PODXL: variants seen among roughly 807,000 people sequenced by gnomAD.
The protein encoded by PODXL is podocalyxin like.
Under a neutral mutation model 48.9 loss-of-function variants are expected in PODXL, and 20 were observed. That is an observed-to-expected ratio of 0.41 (90% confidence interval 0.29 to 0.59). The LOEUF is 0.59. PODXL is among the 20% of genes least tolerant of loss of function. The pLI is 0.31. For missense variants in PODXL, 606 were observed against 675.1 expected, an observed-to-expected ratio of 0.90 and a Z score of 1.13; for synonymous variants, 295 against 287.4, an observed-to-expected ratio of 1.03 and a Z score of -0.27.
chr7:131,524,173 T>C (rs1798135933), intron 1 of PODXL, among the ~76,000 whole-genome samples: 2 of 152,044 alleles, frequency 1.3e-5, no homozygotes, highest in Admixed American at 1.3e-4. Flanking sequence ...CCAGGAATAG[T>C]AGAGAACTTC....
At chr7:131,509,718 C>G in intron 3 of PODXL, 133 bp from the exon 4 acceptor site, 1 of 565,960 alleles carries the variant, frequency 1.8e-6, no homozygotes, top group Non-Finnish European at 3.0e-6. Context: ...GAAGTGGACT[C>G]CTATGACAAG....
At chr7:131,521,344 T>TTTA (rs1353355842) in intron 1 of PODXL, among the ~76,000 whole-genome samples, 1 of 151,102 alleles carries the variant, frequency 6.6e-6, no homozygotes, top group Non-Finnish European at 1.5e-5. Flanking sequence ...TCAATTTTTT[T>TTTA]TTTTTTTGAG....
At chr7:131,519,976 C>T (rs1330261559) in intron 1 of PODXL, among the ~76,000 whole-genome samples, 1 of 152,158 alleles carries the variant, frequency 6.6e-6, no homozygotes, top group Non-Finnish European at 1.5e-5. Flanking sequence ...CCATCTGCCT[C>T]AGTCTCCCAA....
chr7:131,502,488 C>G lies in PODXL; in HGVS notation c.*1823G>C, dbSNP rs545800715. ...AAGGAATTAGGCAGATGGTGCAGGA[C>G]AGATCTTCCCCAGCCCCTCCCCCTA... On this transcript the variant is annotated 3_prime_UTR_variant, in exon 9 of 9. Transcript: ENST00000378555. The G allele has an allele frequency of 1.3e-5, 2 of 152,260 alleles. No homozygotes were observed. Among genetic ancestry groups the G allele is most frequent in the Non-Finnish European group, 2.9e-5 (2 of 68,122 alleles). 9.4% of individuals were successfully genotyped at this position (152,260 alleles called of 1,614,324 possible).
At chr7:131,519,963 G>A (rs1798066449) in intron 1 of PODXL, among the ~76,000 whole-genome samples, 1 of 152,066 alleles carries the variant, frequency 6.6e-6, no homozygotes, top group African/African-American at 2.4e-5. Flanking sequence ...GGGCTCAAGG[G>A]ATCCATCTGC....
intron 1 of PODXL, among the ~76,000 whole-genome samples, chr7:131,517,510 T>C (rs1345044622): frequency 2.0e-5 from 3 of 152,186 alleles, no homozygotes; most frequent in African/African-American, 7.2e-5. Context: ...GTGCATTTCT[T>C]TTCCATGGCT....
chr7:131,524,372 A>ACG (rs201029686), intron 1 of PODXL, among the ~76,000 whole-genome samples: 925 of 73,492 alleles, frequency 0.013, 7 homozygotes, highest in African/African-American at 0.031. Flanking sequence ...GCACACACAC[A>ACG]CACACACAGA....
chr7:131,511,512 T>A, intron 1 of PODXL, 79 bp from the exon 2 acceptor site: 1 of 1,467,760 alleles, frequency 6.8e-7, no homozygotes, highest in Non-Finnish European at 9.3e-7. Flanking sequence ...TCCCCAGGAT[T>A]CAGAGGCCTT....
chr7:131,537,588 GCCC>G (rs1562915018), intron 1 of PODXL, among the ~76,000 whole-genome samples: 1 of 132,802 alleles, frequency 7.5e-6, no homozygotes. Flanking sequence ...GCAAGACTCC[GCCC>G]CACCCCACCC....
At chr7:131,540,638 A>G (rs1798461755) in intron 1 of PODXL, among the ~76,000 whole-genome samples, 2 of 152,172 alleles carry the variant, frequency 1.3e-5, no homozygotes, top group Admixed American at 1.3e-4. Context: ...CTCTTCCCCT[A>G]GCAGTAAGTT....
At chr7:131,546,371 A>G (rs905175227) in intron 1 of PODXL, among the ~76,000 whole-genome samples, 2 of 152,190 alleles carry the variant, frequency 1.3e-5, no homozygotes, top group Admixed American at 6.5e-5. Context: ...GACTGCATTT[A>G]ACCACGTTAT....
rs1798751099 is a variant in PODXL, at chr7:131,556,532, T to A, written c.-173A>T. 1.1e-5 allele frequency: 8 copies of A among 736,470 alleles called. No homozygotes were observed. The highest frequency in any genetic ancestry group is 1.5e-5 in the Non-Finnish European group (8 of 537,412). The allele number at this position is 736,470 out of a possible 1,614,324, so 45.6% of individuals were successfully genotyped here. A position where few individuals can be genotyped will look rare whatever the true frequency, so the allele number is the denominator to read the frequency against. On this transcript the variant is annotated 5_prime_UTR_variant, in exon 1 of 9. Coordinates refer to ENST00000378555, the MANE Select transcript of PODXL (RefSeq NM_001018111.3). ...TGCGGCGGCTCTTCCTCCCTGCCGC[T>A]GCAGCAGAGCCGGGCTGGGGCGCAG...
At chr7:131,514,193 G>A (rs537087481) in intron 1 of PODXL, among the ~76,000 whole-genome samples, 4 of 152,308 alleles carry the variant, frequency 2.6e-5, no homozygotes, top group Admixed American at 1.3e-4. Context: ...CAAGGCAGGT[G>A]GATCACCTGA....
intron 1 of PODXL, among the ~76,000 whole-genome samples, chr7:131,515,043 A>G (rs1283732142): frequency 6.6e-6 from 1 of 152,222 alleles, no homozygotes; most frequent in African/African-American, 2.4e-5. Flanking sequence ...GCTGAGCAGC[A>G]TTCCTGGCCT....
At chr7:131,535,353 T>C (rs1349506177) in intron 1 of PODXL, among the ~76,000 whole-genome samples, 1 of 152,126 alleles carries the variant, frequency 6.6e-6, no homozygotes. Flanking sequence ...GGTAAGTCAA[T>C]TGGACCACAC....
At chr7:131,520,222 C>A in intron 1 of PODXL, 1 of 410,634 alleles carries the variant, frequency 2.4e-6, no homozygotes, top group Non-Finnish European at 4.8e-6. Context: ...ATCAACAATC[C>A]CAAGAGCTTC....
At chr7:131,513,269 C>T (rs1733866) in intron 1 of PODXL, among the ~76,000 whole-genome samples, 119,894 of 152,062 alleles carry the variant, frequency 0.79, 47,894 homozygotes, top group East Asian at 1. Context: ...GCGTTGGCCA[C>T]AGGAAGCTAT....
intron 1 of PODXL, chr7:131,520,301 A>ATG (rs1798071562): frequency 1.9e-6 from 1 of 525,016 alleles, no homozygotes; most frequent in East Asian, 5.0e-5. Context: ...CATGAAAGAG[A>ATG]TGGGAACTCC....
intron 1 of PODXL, among the ~76,000 whole-genome samples, chr7:131,539,523 G>A (rs1199209156): frequency 6.6e-6 from 1 of 152,154 alleles, no homozygotes; most frequent in Non-Finnish European, 1.5e-5. Flanking sequence ...TAGACATGGG[G>A]TGTCGCCACG....
Sources: gnomAD v4.1 joint callset for allele counts (sites outside exome capture counted in the v4.1 genomes callset) on GRCh38, gnomAD v4.1.1 for gene constraint, MANE v1.5 for transcripts, NCBI Gene and HGNC (gene_info 2026-07-23, HGNC 2026-07-21) for gene names.